Variants in PPP2R3A observed in about 807,000 individuals in gnomAD.
PPP2R3A encodes serine/threonine-protein phosphatase 2A regulatory subunit B'' subunit alpha.
A neutral mutation model predicts 106.9 loss-of-function variants in PPP2R3A; 80 were observed. The observed-to-expected ratio is 0.75, with a 90% CI of 0.62 to 0.90. The LOEUF is 0.90. Ranked by LOEUF, PPP2R3A falls within the 40% of genes least tolerant of loss-of-function variation. The pLI is 0.00. For missense variants in PPP2R3A, 1,386 were observed against 1,350.4 expected, an observed-to-expected ratio of 1.03 and a Z score of -0.41; for synonymous variants, 483 against 468.3, an observed-to-expected ratio of 1.03 and a Z score of -0.41.
At chr3:136,058,159 A>G (rs985253648) in intron 5 of PPP2R3A, among the ~76,000 whole-genome samples, 3 of 152,170 alleles carry the variant, frequency 2.0e-5, no homozygotes, top group East Asian at 1.9e-4. Context: ...ATCAACTACA[A>G]TGGTATTGGA....
intron 13 of PPP2R3A, among the ~76,000 whole-genome samples, chr3:136,117,737 C>T (rs1330496547): frequency 6.6e-6 from 1 of 152,014 alleles, no homozygotes; most frequent in Non-Finnish European, 1.5e-5. Context: ...GTAATTAATA[C>T]CCTACAAACC....
At chr3:136,019,031 A>G (rs986575948) in intron 2 of PPP2R3A, among the ~76,000 whole-genome samples, 18 of 152,218 alleles carry the variant, frequency 1.2e-4, no homozygotes, top group African/African-American at 4.3e-4. Context: ...CTTTTGCCTA[A>G]TGAAGCTCTC....
At position 136,147,322 on chromosome 3, in the gene PPP2R3A, A is replaced by C. The variant is rs1939176716; in HGVS notation, c.*2156A>C. On this transcript the variant is annotated 3_prime_UTR_variant, in exon 14 of 14. Coordinates refer to ENST00000264977, the MANE Select transcript of PPP2R3A (RefSeq NM_002718.5). ...GAGGCTGCAGTGAGCTATGATTACG[A>C]CACTGCACTCCAGCCTAGGCGACAG... 1 of 152,564 alleles carries C rather than the reference A, an allele frequency of 6.6e-6. No individual in the cohort carries two copies. The highest frequency in any genetic ancestry group is 2.4e-5 in the African/African-American group (1 of 41,436). 9.5% of individuals were successfully genotyped at this position (152,564 alleles called of 1,614,324 possible).
chr3:136,056,381 T>C (rs1935861042), intron 5 of PPP2R3A, among the ~76,000 whole-genome samples: 1 of 152,132 alleles, frequency 6.6e-6, no homozygotes, highest in Non-Finnish European at 1.5e-5. Context: ...GTGGACCATA[T>C]AGTAAGTGTA....
chr3:136,060,371 T>C (rs980808887), intron 5 of PPP2R3A, among the ~76,000 whole-genome samples: 2 of 152,238 alleles, frequency 1.3e-5, no homozygotes, highest in African/African-American at 4.8e-5. Flanking sequence ...GGTTTAGCTC[T>C]GTGTCCCCAC....
rs1939202519 is a variant in PPP2R3A at position 136,147,868 on chromosome 3, AAACT to A, written c.*2705_*2708del. 2 of 152,222 alleles carry A rather than the reference AAACT, an allele frequency of 1.3e-5. No homozygotes were observed. The highest frequency in any genetic ancestry group is 2.9e-5 in the Non-Finnish European group (2 of 68,046). The allele number at this position is 152,222 out of a possible 1,614,324, so 9.4% of individuals were successfully genotyped here. On this transcript the variant is annotated 3_prime_UTR_variant, in exon 14 of 14. Coordinates refer to ENST00000264977, the MANE Select transcript of PPP2R3A (RefSeq NM_002718.5). ...ATGACTTTGTTTTTCCCTTTTAGCA[AAACT>A]AAATAAAGTTGTCAAATATGAATCA...
intron 3 of PPP2R3A, among the ~76,000 whole-genome samples, chr3:136,030,774 A>G (rs941907715): frequency 1.6e-5 from 2 of 124,130 alleles, no homozygotes; most frequent in Admixed American, 7.9e-5. Flanking sequence ...ATATATATAT[A>G]TATATATGTA....
chr3:136,041,843 A>C (rs1373794857), intron 4 of PPP2R3A, among the ~76,000 whole-genome samples: 2 of 152,122 alleles, frequency 1.3e-5, no homozygotes, highest in Non-Finnish European at 2.9e-5. Flanking sequence ...CAAACCCAAC[A>C]TCTTTCTTCT....
intron 13 of PPP2R3A, among the ~76,000 whole-genome samples, chr3:136,144,068 A>G (rs1332891522): frequency 6.6e-6 from 1 of 152,182 alleles, no homozygotes; most frequent in Non-Finnish European, 1.5e-5. Context: ...ATATTTATCA[A>G]TATTTCAGGC....
intron 13 of PPP2R3A, among the ~76,000 whole-genome samples, chr3:136,143,075 A>G (rs1576344414): frequency 6.6e-6 from 1 of 152,250 alleles, no homozygotes; most frequent in Admixed American, 6.5e-5. Flanking sequence ...ATGGAATGGA[A>G]TATTTTTATT....
At chr3:135,993,622 C>T (rs949547217) in intron 1 of PPP2R3A, among the ~76,000 whole-genome samples, 1 of 152,142 alleles carries the variant, frequency 6.6e-6, no homozygotes, top group Non-Finnish European at 1.5e-5. Context: ...ATAGCACAAA[C>T]TAGAAATAGC....
intron 5 of PPP2R3A, among the ~76,000 whole-genome samples, chr3:136,064,958 A>T (rs1159190685): frequency 6.6e-6 from 1 of 152,236 alleles, no homozygotes; most frequent in South Asian, 2.1e-4. Flanking sequence ...GTAGAACAGT[A>T]TGAAAAAAAC....
rs781550988 is a variant in PPP2R3A, at chr3:136,003,006, C to G, written c.1508C>G (p.Ser503Cys). 22 of 1,613,416 alleles carry G rather than the reference C, an allele frequency of 1.4e-5. No individual in the cohort carries two copies. The highest frequency in any genetic ancestry group is 3.3e-5 in the Admixed American group (2 of 59,928). The change falls in exon 2 of 14, where the codon TCC becomes TGC. Residue 503 changes from serine to cysteine, a missense_variant. Coordinates refer to ENST00000264977, the MANE Select transcript of PPP2R3A (RefSeq NM_002718.5). ...GGAGACCAGAGAGATTTTACAAATT[C>G]CAGTAGCCAGGAAGAGATAGATAAA... Reference protein sequence around the residue: ...EEGDQRDFTNSSSQEEIDKLL... With the variant: ...EEGDQRDFTNCSSQEEIDKLL...
chr3:136,023,654 G>A (rs1171910272), intron 2 of PPP2R3A, among the ~76,000 whole-genome samples: 1 of 152,084 alleles, frequency 6.6e-6, no homozygotes, highest in African/African-American at 2.4e-5. Flanking sequence ...TAAAAAGTAT[G>A]TTAATCCTGG....
intron 2 of PPP2R3A, among the ~76,000 whole-genome samples, chr3:136,024,129 A>G (rs187805853): frequency 1.3e-5 from 2 of 152,194 alleles, no homozygotes; most frequent in East Asian, 3.9e-4. Flanking sequence ...GGGAAAGACA[A>G]ATGGAGAATT....
intron 4 of PPP2R3A, among the ~76,000 whole-genome samples, chr3:136,043,552 C>T (rs1935370161): frequency 6.6e-6 from 1 of 152,158 alleles, no homozygotes; most frequent in African/African-American, 2.4e-5. Context: ...GGCTCTGTTC[C>T]ACTTCCTTTC....
At chr3:136,057,439 G>A (rs754395632) in intron 5 of PPP2R3A, among the ~76,000 whole-genome samples, 1 of 152,070 alleles carries the variant, frequency 6.6e-6, no homozygotes, top group African/African-American at 2.4e-5. Context: ...TCATTCATAT[G>A]CAGGAGTTTA....
At chr3:136,070,675 G>T in intron 6 of PPP2R3A, 123 bp downstream of exon 6, 6 of 671,660 alleles carry the variant, frequency 8.9e-6, no homozygotes, top group South Asian at 3.8e-5. Context: ...TATTTCAAGT[G>T]GAAGGAAGCT....
chr3:135,980,366 T>G (rs1937525445), intron 1 of PPP2R3A, among the ~76,000 whole-genome samples: 2 of 150,838 alleles, frequency 1.3e-5, no homozygotes, highest in Admixed American at 1.3e-4. Flanking sequence ...GCTCAGTACA[T>G]AAGACAGAAG....
Sources: gnomAD v4.1 joint callset for allele counts (sites outside exome capture counted in the v4.1 genomes callset) on GRCh38, gnomAD v4.1.1 for gene constraint, MANE v1.5 for transcripts, NCBI Gene and HGNC (gene_info 2026-07-23, HGNC 2026-07-21) for gene names.